MLLT10: variants seen among roughly 807,000 people sequenced by gnomAD.
MLLT10 encodes MLLT10 histone lysine methyltransferase DOT1L cofactor, also known as protein AF-10.
Under a neutral mutation model 129.1 loss-of-function variants are expected in MLLT10, and 30 were observed. The ratio of observed to expected loss-of-function variants is 0.23; its 90% CI spans 0.17 to 0.32. The LOEUF (loss-of-function observed/expected upper bound fraction) is 0.32. Ranked by LOEUF, MLLT10 falls within the 10% of genes least tolerant of loss-of-function variation. MLLT10 has a pLI of 1.00. For synonymous variants in MLLT10, 490 were observed against 446.4 expected, an observed-to-expected ratio of 1.10 and a Z score of -1.23; for missense variants, 1,119 against 1,268.3, an observed-to-expected ratio of 0.88 and a Z score of 1.79.
At chr10:21,739,253 G>C (rs909583378) in intron 21 of MLLT10, among the ~76,000 whole-genome samples, 2 of 152,036 alleles carry the variant, frequency 1.3e-5, no homozygotes, top group African/African-American at 4.8e-5. Flanking sequence ...CACCCTTCCC[G>C]GGTCCTTGCT....
At chr10:21,647,105 C>T (rs962374123) in intron 8 of MLLT10, among the ~76,000 whole-genome samples, 5 of 152,136 alleles carry the variant, frequency 3.3e-5, no homozygotes, top group Non-Finnish European at 7.3e-5. Context: ...ATCCGCCCAC[C>T]TCGGCCTCCC....
intron 5 of MLLT10, among the ~76,000 whole-genome samples, chr10:21,608,200 G>A (rs2044253997): frequency 6.7e-6 from 1 of 149,526 alleles, no homozygotes; most frequent in African/African-American, 2.5e-5. Context: ...ACAGGGTCTT[G>A]CTCAGTTGCC....
At chr10:21,710,634 G>C (rs1157513791) in intron 13 of MLLT10, among the ~76,000 whole-genome samples, 3 of 152,088 alleles carry the variant, frequency 2.0e-5, no homozygotes, top group Admixed American at 2.0e-4. Flanking sequence ...ATCCCATTGT[G>C]TTCTATATGT....
At chr10:21,737,173 A>AGCCATAATCATGC (rs1324409993) in intron 21 of MLLT10, among the ~76,000 whole-genome samples, 1 of 152,208 alleles carries the variant, frequency 6.6e-6, no homozygotes. Context: ...GGGTGCAGTG[A>AGCCATAATCATGC]CACCTGCACC....
At chr10:21,673,237 C>A in intron 10 of MLLT10, 113 bp from the exon 11 acceptor site, 1 of 608,220 alleles carries the variant, frequency 1.6e-6, no homozygotes. Context: ...TTTTTTTAAA[C>A]TCTTCTCTTT....
intron 8 of MLLT10, among the ~76,000 whole-genome samples, chr10:21,638,671 G>T (rs771551327): frequency 6.6e-6 from 1 of 152,098 alleles, no homozygotes; most frequent in East Asian, 1.9e-4. Context: ...AAAATAAATC[G>T]TGTCTTTTCC....
chr10:21,640,566 G>C (rs550226263), intron 8 of MLLT10, among the ~76,000 whole-genome samples: 1 of 152,106 alleles, frequency 6.6e-6, no homozygotes, highest in South Asian at 2.1e-4. Context: ...AAGAAGGCCA[G>C]ATAAAATCTG....
intron 3 of MLLT10, among the ~76,000 whole-genome samples, chr10:21,564,891 A>G (rs2039360103): frequency 6.6e-6 from 1 of 151,384 alleles, no homozygotes; most frequent in South Asian, 2.1e-4. Flanking sequence ...TAAAATGTTC[A>G]TGGATCCAGT....
intron 9 of MLLT10, among the ~76,000 whole-genome samples, chr10:21,651,979 C>T (rs1448530088): frequency 1.6e-5 from 2 of 128,028 alleles, no homozygotes; most frequent in African/African-American, 5.9e-5. Flanking sequence ...GTGGCACAAT[C>T]TCAGCTCACT....
intron 13 of MLLT10, 113 bp downstream of exon 13, chr10:21,682,370 G>T: frequency 1.0e-6 from 1 of 982,688 alleles, no homozygotes; most frequent in Non-Finnish European, 1.5e-6. Flanking sequence ...ATCCAGTGCT[G>T]CAGTGAGTCA....
chr10:21,713,975 C>T, intron 14 of MLLT10, 25 bp downstream of exon 14: 1 of 1,585,278 alleles, frequency 6.3e-7, no homozygotes, highest in Non-Finnish European at 8.6e-7. Context: ...TATCATGTGA[C>T]AGGTAATAGG....
chr10:21,538,700 A>C lies in MLLT10; in HGVS notation c.161-133A>C, dbSNP rs190175509. ...TGTATATGTGATAAATAGGATGTGA[A>C]CTGTTTTACTTCTCTGTAAAGAGGT... On this transcript the variant is annotated intron_variant, in intron 2 of 22. Coordinates refer to ENST00000307729, the MANE Select transcript of MLLT10 (RefSeq NM_001195626.3). The C allele has an allele frequency of 1.1e-4, 64 of 588,682 alleles. No individual in the cohort carries two copies. The East Asian group carries it at 1.8e-3, about 16-fold the overall frequency. 36.5% of individuals were successfully genotyped at this position (588,682 alleles called of 1,614,324 possible).
chr10:21,674,272 T>G (rs149615018), intron 11 of MLLT10, among the ~76,000 whole-genome samples: 1 of 152,040 alleles, frequency 6.6e-6, no homozygotes, highest in Admixed American at 6.6e-5. Context: ...ATATTTAGGG[T>G]GTGAGAGTTT....
Position 21,735,243 on chromosome 10 carries a change from C to CT in MLLT10, c.2955+11dup. The CT allele has an allele frequency of 1.9e-6, 3 of 1,591,194 alleles. No individual in the cohort carries two copies. The highest frequency in any genetic ancestry group is 2.6e-6 in the Non-Finnish European group (3 of 1,160,164). ...TCTCAACAGCTCACACCAGTAAGTT[C>CT]TTTCTTTTGATAATATCTTATTAGG... On this transcript the variant is annotated intron_variant, in intron 21 of 22. Transcript: ENST00000307729.
intron 5 of MLLT10, among the ~76,000 whole-genome samples, chr10:21,603,609 A>G (rs1190218179): frequency 2.0e-5 from 3 of 152,284 alleles, no homozygotes; most frequent in East Asian, 1.9e-4. Context: ...CTCATAGCCA[A>G]TTTTTCATAC....
At chr10:21,732,848 A>G (rs778481973) in intron 17 of MLLT10, 51 bp from the exon 18 acceptor site, 1 of 1,459,516 alleles carries the variant, frequency 6.9e-7, no homozygotes, top group African/African-American at 1.4e-5. Context: ...TAAAATACTT[A>G]GTCTTATGTG....
intron 18 of MLLT10, 52 bp downstream of exon 18, chr10:21,733,139 T>TACA: frequency 6.6e-7 from 1 of 1,504,842 alleles, no homozygotes. Context: ...CTTTCAGTTT[T>TACA]ATTTGTATTA....
intron 13 of MLLT10, among the ~76,000 whole-genome samples, chr10:21,693,640 A>G (rs1392493248): frequency 6.6e-6 from 1 of 151,812 alleles, no homozygotes; most frequent in Admixed American, 6.6e-5. Context: ...TTCCTGATTG[A>G]GAGAATTCAT....
intron 8 of MLLT10, among the ~76,000 whole-genome samples, chr10:21,650,191 A>T (rs1248446480): frequency 6.6e-6 from 1 of 151,998 alleles, no homozygotes; most frequent in Non-Finnish European, 1.5e-5. Flanking sequence ...TAAAAAAAAT[A>T]CATATAAAAA....
Sources: gnomAD v4.1 joint callset for allele counts (sites outside exome capture counted in the v4.1 genomes callset) on GRCh38, gnomAD v4.1.1 for gene constraint, MANE v1.5 for transcripts, NCBI Gene and HGNC (gene_info 2026-07-23, HGNC 2026-07-21) for gene names.